The following SPECC1 variants were observed in gnomAD, a reference collection of about 807,000 sequenced individuals.
SPECC1 encodes sperm antigen with calponin homology and coiled-coil domains 1.
SPECC1 carries 62 observed loss-of-function variants against 104.1 expected under a neutral mutation model. The ratio of observed to expected loss-of-function variants is 0.60; its 90% CI spans 0.49 to 0.74. SPECC1 has a LOEUF of 0.74. Ranked by LOEUF, SPECC1 falls within the 30% of genes least tolerant of loss-of-function variation. SPECC1 has a pLI of 0.00. For missense variants in SPECC1, 1,306 were observed against 1,310.5 expected (o/e 1.00, Z 0.05); for synonymous variants, 513 against 501.6 (o/e 1.02, Z -0.30).
At chr17:20,180,957 T>G (rs2034840541) in intron 3 of SPECC1, among the ~76,000 whole-genome samples, 1 of 151,694 alleles carries the variant, frequency 6.6e-6, no homozygotes, top group Admixed American at 6.6e-5. Flanking sequence ...TTTTGATTTT[T>G]GTATGCAATA....
intron 12 of SPECC1, among the ~76,000 whole-genome samples, chr17:20,264,457 A>ATTTTTTTTT (rs10565315): frequency 3.6e-5 from 2 of 55,740 alleles, no homozygotes; most frequent in Non-Finnish European, 6.4e-5. Context: ...TTGGAGACGG[A>ATTTTTTTTT]TTTTTTTTTT....
intron 4 of SPECC1, among the ~76,000 whole-genome samples, chr17:20,210,384 G>C (rs2037058848): frequency 6.6e-6 from 1 of 152,226 alleles, no homozygotes; most frequent in South Asian, 2.1e-4. Flanking sequence ...GGCTGGCAGT[G>C]CTGTGGTTCT....
At chr17:20,118,287 A>G (rs2048862915) in intron 3 of SPECC1, among the ~76,000 whole-genome samples, 1 of 152,210 alleles carries the variant, frequency 6.6e-6, no homozygotes, top group African/African-American at 2.4e-5. Flanking sequence ...TCTTAATTTA[A>G]TCTTTCACCA....
At chr17:20,301,336 T>G (rs1057177130) in intron 13 of SPECC1, among the ~76,000 whole-genome samples, 11 of 151,718 alleles carry the variant, frequency 7.3e-5, no homozygotes, top group African/African-American at 2.4e-4. Flanking sequence ...ATACCTTGGG[T>G]CATCAGGATG....
intron 1 of SPECC1, among the ~76,000 whole-genome samples, chr17:20,094,449 A>G (rs1328294983): frequency 6.6e-6 from 1 of 152,178 alleles, no homozygotes; most frequent in African/African-American, 2.4e-5. Context: ...TCTTTAACCA[A>G]GGACTTAGAC....
chr17:20,318,608 C>T lies in SPECC1; in HGVS notation c.*4543C>T, dbSNP rs887430349. On this transcript the variant is annotated 3_prime_UTR_variant, in exon 15 of 15. Transcript: ENST00000395527. ...GATGGAGGACTCGGGCCCATAGATGCAGACCCCCTACCAAATCTAGCAATA... is the reference window on the plus strand; with the variant it reads ...GATGGAGGACTCGGGCCCATAGATGTAGACCCCCTACCAAATCTAGCAATA... 5.2e-5 allele frequency: 12 copies of T among 228,824 alleles called. No homozygotes were observed. Among genetic ancestry groups the T allele is most frequent in the Admixed American group, 1.1e-4 (2 of 17,628 alleles). The allele number at this position is 228,824 out of a possible 1,614,324, so 14.2% of individuals were successfully genotyped here.
At chr17:20,239,078 TTAG>T (rs1364696274) in intron 7 of SPECC1, 5 of 1,032,766 alleles carry the variant, frequency 4.8e-6, no homozygotes, top group Non-Finnish European at 4.7e-6. Flanking sequence ...AACAGTTTCA[TTAG>T]TAGAACAAAA....
intron 2 of SPECC1, among the ~76,000 whole-genome samples, chr17:20,098,396 A>G (rs1459214243): frequency 1.3e-5 from 2 of 152,190 alleles, no homozygotes; most frequent in Non-Finnish European, 2.9e-5. Flanking sequence ...CAGTTGGGTC[A>G]TGCCCCCACC....
intron 13 of SPECC1, among the ~76,000 whole-genome samples, chr17:20,302,779 G>A (rs2041630813): frequency 6.9e-6 from 1 of 145,972 alleles, no homozygotes; most frequent in Non-Finnish European, 1.5e-5. Flanking sequence ...AGCGGTGCCA[G>A]GCGTTGTGGC....
At chr17:20,117,567 G>T (rs1262268958) in intron 3 of SPECC1, among the ~76,000 whole-genome samples, 1 of 151,948 alleles carries the variant, frequency 6.6e-6, no homozygotes, top group East Asian at 1.9e-4. Context: ...TGGGAGGATT[G>T]CTTGAGCCCA....
Position 20,193,512 on chromosome 17 carries a change from G to T in SPECC1, c.284-10821G>T, listed in dbSNP as rs1352249687. 2.9e-3 allele frequency among the ~76,000 whole-genome samples: 443 copies of T among 152,324 alleles called. 17 individuals carry two copies. In the East Asian group the frequency reaches 0.082, roughly 28 times the overall value. The stretch of plus-strand genomic sequence containing the variant: ...TAACTCCTTCAGGCTGAATAGAGGT[G>T]ATGATATTCCTGCCTGACTATTAGG... On this transcript the variant is annotated intron_variant, in intron 3 of 14. Transcript: ENST00000395527.
At chr17:20,309,809 C>T (rs9892877) in intron 14 of SPECC1, among the ~76,000 whole-genome samples, 99,782 of 142,844 alleles carry the variant, frequency 0.7, 36,450 homozygotes, top group East Asian at 0.92. Context: ...TTTTCTTTCT[C>T]CTTTTCTTTT....
At position 20,062,690 on chromosome 17, in the gene SPECC1, A is replaced by T. The variant is rs184943211; in HGVS notation, c.-21-33941A>T. ...AAATTTCACGTATAACACAAGAAATACATTTTTTTTTTTTTTGAGATGTAG... is the reference window on the plus strand; with the variant it reads ...AAATTTCACGTATAACACAAGAAATTCATTTTTTTTTTTTTTGAGATGTAG... On this transcript the variant is annotated intron_variant, in intron 1 of 14. Coordinates refer to ENST00000395527, the MANE Select transcript of SPECC1 (RefSeq NM_001243439.2). 4.8e-5 allele frequency among the ~76,000 whole-genome samples: 7 copies of T among 145,128 alleles called. No individual in the cohort carries two copies. The East Asian group carries it at 8.2e-4, about 17-fold the overall frequency.
At chr17:20,157,501 C>T (rs911574846) in intron 3 of SPECC1, among the ~76,000 whole-genome samples, 4 of 152,074 alleles carry the variant, frequency 2.6e-5, no homozygotes, top group African/African-American at 9.7e-5. Context: ...TTATAAATAA[C>T]CCTGTTGGTA....
intron 7 of SPECC1, chr17:20,239,253 T>G: frequency 9.9e-7 from 1 of 1,014,030 alleles, no homozygotes; most frequent in African/African-American, 1.7e-5. Context: ...GAAGTATTAT[T>G]TAGGTATACT....
chr17:20,280,804 C>A (rs1340504088), intron 12 of SPECC1, among the ~76,000 whole-genome samples: 1 of 152,200 alleles, frequency 6.6e-6, no homozygotes, highest in Non-Finnish European at 1.5e-5. Context: ...AAGAAAAGAT[C>A]ACCGGATTTT....
At chr17:20,210,937 C>T (rs969248002) in intron 4 of SPECC1, among the ~76,000 whole-genome samples, 1 of 152,200 alleles carries the variant, frequency 6.6e-6, no homozygotes, top group African/African-American at 2.4e-5. Context: ...ACCCCATTGA[C>T]CATTACCTGG....
chr17:20,272,013 A>G (rs1260250522), intron 12 of SPECC1, among the ~76,000 whole-genome samples: 1 of 152,154 alleles, frequency 6.6e-6, no homozygotes, highest in Non-Finnish European at 1.5e-5. Context: ...TTCCTCTGCA[A>G]AAGCTCATAG....
intron 13 of SPECC1, among the ~76,000 whole-genome samples, chr17:20,305,055 C>T (rs543645652): frequency 2.0e-5 from 3 of 152,102 alleles, no homozygotes; most frequent in Non-Finnish European, 4.4e-5. Flanking sequence ...TGATTTTGGG[C>T]GACTGGTAGA....
Sources: gnomAD v4.1 joint callset for allele counts (sites outside exome capture counted in the v4.1 genomes callset) on GRCh38, gnomAD v4.1.1 for gene constraint, MANE v1.5 for transcripts, NCBI Gene and HGNC (gene_info 2026-07-23, HGNC 2026-07-21) for gene names.